NRG1: variants seen among roughly 807,000 people sequenced by gnomAD.
NRG1 encodes pro-neuregulin-1, membrane-bound isoform.
Under a neutral mutation model 63.8 loss-of-function variants are expected in NRG1, and 18 were observed. That is an observed-to-expected ratio of 0.28 (90% confidence interval 0.19 to 0.42). The LOEUF (loss-of-function observed/expected upper bound fraction) is 0.42, where lower values mean the gene tolerates loss of function less well. Among genes scored for constraint, NRG1 ranks in the 10% least tolerant of loss-of-function variants. The pLI is 1.00. For synonymous variants in NRG1, 302 were observed against 301.3 expected (o/e 1.00, Z -0.02); for missense variants, 762 against 814.7 (o/e 0.94, Z 0.79).
At chr8:32,608,092 G>GTTTTGTTTTTTTTT (rs1845594606) in intron 3 of NRG1, among the ~76,000 whole-genome samples, 34 of 106,170 alleles carry the variant, frequency 3.2e-4, no homozygotes, top group Non-Finnish European at 4.0e-4. Flanking sequence ...GGTTTTTTTT[G>GTTTTGTTTTTTTTT]TTTTTTTTTT....
At chr8:32,748,391 A>AGAGAGAGAGAGAGAGG in intron 7 of NRG1, among the ~76,000 whole-genome samples, 1 of 151,628 alleles carries the variant, frequency 6.6e-6, no homozygotes, top group Non-Finnish European at 1.5e-5. Flanking sequence ...AGAGAGAGAG[A>AGAGAGAGAGAGAGAGG]GAGAGATAAA....
At chr8:32,214,259 A>G (rs11994488) in intron 1 of NRG1, among the ~76,000 whole-genome samples, 71,137 of 152,028 alleles carry the variant, frequency 0.47, 18,422 homozygotes, top group Admixed American at 0.59. Context: ...AAAGTGGCGT[A>G]TTTTGGGGTG....
intron 1 of NRG1, among the ~76,000 whole-genome samples, chr8:32,462,828 T>C (rs942296051): frequency 1.3e-5 from 2 of 152,032 alleles, no homozygotes; most frequent in Non-Finnish European, 2.9e-5. Context: ...GGTCTCAAAC[T>C]CCTGGCCTCA....
intron 5 of NRG1, among the ~76,000 whole-genome samples, chr8:32,697,561 GT>G (rs1325150678): frequency 6.6e-6 from 1 of 152,150 alleles, no homozygotes; most frequent in Admixed American, 6.6e-5. Flanking sequence ...ATGCATAAAT[GT>G]GTAATGCAGT....
intron 1 of NRG1, among the ~76,000 whole-genome samples, chr8:32,092,474 A>AAT (rs1201736658): frequency 6.6e-6 from 1 of 151,344 alleles, no homozygotes. Context: ...AAAAAAAAAA[A>AAT]AAAAAGAAAA....
At chr8:32,737,728 A>G (rs1308979686) in intron 6 of NRG1, among the ~76,000 whole-genome samples, 4 of 125,926 alleles carry the variant, frequency 3.2e-5, no homozygotes, top group African/African-American at 6.3e-5. Context: ...CCAGGCTGGT[A>G]TGTAGTGTTG....
At chr8:31,923,138 T>C (rs1326848816) in intron 1 of NRG1, among the ~76,000 whole-genome samples, 3 of 152,224 alleles carry the variant, frequency 2.0e-5, no homozygotes, top group Admixed American at 2.0e-4. Flanking sequence ...CTTTTCTTTT[T>C]TAGAAACCTT....
intron 1 of NRG1, among the ~76,000 whole-genome samples, chr8:32,056,100 G>A (rs76568119): frequency 5.0e-4 from 76 of 152,204 alleles, no homozygotes; most frequent in African/African-American, 1.6e-3. Context: ...TAATCAGAAT[G>A]CCAAGTTATC....
rs1853114819 is a variant in NRG1, at chr8:32,283,353, A to T, written c.38-312475A>T. 2.0e-5 allele frequency among the ~76,000 whole-genome samples: 3 copies of T among 152,206 alleles called. No individual in the cohort carries two copies. The South Asian group carries it at 6.2e-4, about 31-fold the overall frequency. ...ATGCATTACTGATATGACTTCTAAC[A>T]TATAAGCTAGTTAACATCAAGAGGA... On this transcript the variant is annotated intron_variant, in intron 1 of 10. Transcript: ENST00000519301.
chr8:32,497,156 C>CA (rs1827293241), intron 1 of NRG1, among the ~76,000 whole-genome samples: 1 of 151,850 alleles, frequency 6.6e-6, no homozygotes, highest in Non-Finnish European at 1.5e-5. Flanking sequence ...TCAGAAATAG[C>CA]AAAATTTCGC....
At chr8:31,669,690 C>T (rs1186913335) in intron 1 of NRG1, among the ~76,000 whole-genome samples, 2 of 152,190 alleles carry the variant, frequency 1.3e-5, no homozygotes, top group African/African-American at 4.8e-5. Flanking sequence ...TTATATGCTA[C>T]TGATAAGCTT....
chr8:32,697,485 GATA>G (rs145066385), intron 5 of NRG1, among the ~76,000 whole-genome samples: 2,982 of 152,320 alleles, frequency 0.02, 97 homozygotes, highest in African/African-American at 0.067. Context: ...TTGCCTATAT[GATA>G]ATGTTGGACC....
chr8:32,070,678 G>T (rs994385191), intron 1 of NRG1, among the ~76,000 whole-genome samples: 1 of 152,084 alleles, frequency 6.6e-6, no homozygotes, highest in African/African-American at 2.4e-5. Context: ...TATCACCCTA[G>T]TCCAAGCTCT....
At chr8:32,150,910 G>A (rs1040499498) in intron 1 of NRG1, among the ~76,000 whole-genome samples, 2 of 152,164 alleles carry the variant, frequency 1.3e-5, no homozygotes, top group Non-Finnish European at 2.9e-5. Context: ...CCTTTTAAGA[G>A]TTCAGTATTT....
At chr8:32,513,302 G>A (rs1253927155) in intron 1 of NRG1, among the ~76,000 whole-genome samples, 1 of 151,490 alleles carries the variant, frequency 6.6e-6, no homozygotes, top group Non-Finnish European at 1.5e-5. Flanking sequence ...TCCATATAAG[G>A]GGCAAAAGAA....
intron 1 of NRG1, among the ~76,000 whole-genome samples, chr8:31,820,600 T>C (rs1823911283): frequency 6.6e-6 from 1 of 152,204 alleles, no homozygotes. Flanking sequence ...CAATAGTACC[T>C]AGTACATTAT....
chr8:31,798,329 G>A (rs1415110807), intron 1 of NRG1, among the ~76,000 whole-genome samples: 3 of 152,256 alleles, frequency 2.0e-5, no homozygotes, highest in South Asian at 4.2e-4. Flanking sequence ...TATACTATAA[G>A]TATGAATAAT....
chr8:32,734,457 T>C (rs2129027163), intron 6 of NRG1, among the ~76,000 whole-genome samples: 1 of 152,344 alleles, frequency 6.6e-6, no homozygotes, highest in Admixed American at 6.5e-5. Context: ...ATTTGTAGTA[T>C]TGCTGCTAAC....
At chr8:31,946,669 A>G (rs1029591218) in intron 1 of NRG1, among the ~76,000 whole-genome samples, 4 of 152,276 alleles carry the variant, frequency 2.6e-5, no homozygotes, top group African/African-American at 9.6e-5. Flanking sequence ...ACACTAGCCT[A>G]TGGCGGCTGT....
Sources: gnomAD v4.1 joint callset for allele counts (sites outside exome capture counted in the v4.1 genomes callset) on GRCh38, gnomAD v4.1.1 for gene constraint, MANE v1.5 for transcripts, NCBI Gene and HGNC (gene_info 2026-07-23, HGNC 2026-07-21) for gene names.